Variants in CDK8 observed in about 807,000 individuals in gnomAD.
The protein encoded by CDK8 is cyclin-dependent kinase 8.
CDK8 carries 29 observed loss-of-function variants against 71.5 expected under a neutral mutation model. The ratio of observed to expected loss-of-function variants is 0.41; its 90% confidence interval spans 0.30 to 0.55. The LOEUF (loss-of-function observed/expected upper bound fraction) is 0.55. CDK8 is among the 20% of genes least tolerant of loss of function. The pLI, the probability that CDK8 is intolerant of heterozygous loss-of-function variation, is 0.37. For synonymous variants in CDK8, 161 were observed against 192.1 expected (o/e 0.84, Z 1.34); for missense variants, 288 against 572.6 (o/e 0.50, Z 5.07).
chr13:26,398,663 T>C (rs1425214396), intron 9 of CDK8, among the ~76,000 whole-genome samples: 2 of 152,240 alleles, frequency 1.3e-5, no homozygotes, highest in East Asian at 3.9e-4. Context: ...ATTCTAGCGT[T>C]TTATTTGCAT....
intron 1 of CDK8, among the ~76,000 whole-genome samples, chr13:26,316,334 TGA>T (rs1233008459): frequency 6.6e-6 from 1 of 152,140 alleles, no homozygotes; most frequent in Non-Finnish European, 1.5e-5. Context: ...CACTCCAGTC[TGA>T]GTGACAGAGT....
At chr13:26,330,632 CA>C (rs1448237681) in intron 1 of CDK8, among the ~76,000 whole-genome samples, 94 of 123,136 alleles carry the variant, frequency 7.6e-4, no homozygotes, top group Non-Finnish European at 1.4e-3. Flanking sequence ...CACGTGTTCA[CA>C]TTTTTTTTTT....
At chr13:26,318,047 A>G (rs1424759197) in intron 1 of CDK8, among the ~76,000 whole-genome samples, 1 of 149,810 alleles carries the variant, frequency 6.7e-6, no homozygotes, top group Non-Finnish European at 1.5e-5. Context: ...GTGGACTAAG[A>G]AAAAAAAAAG....
intron 1 of CDK8, among the ~76,000 whole-genome samples, chr13:26,317,689 C>A (rs1026080983): frequency 6.6e-6 from 1 of 152,124 alleles, no homozygotes; most frequent in Non-Finnish European, 1.5e-5. Flanking sequence ...ACTCTTTAAA[C>A]TTCTATTGGT....
chr13:26,315,319 A>C (rs1317322557), intron 1 of CDK8, among the ~76,000 whole-genome samples: 1 of 152,216 alleles, frequency 6.6e-6, no homozygotes, highest in African/African-American at 2.4e-5. Flanking sequence ...TGTTCATAGA[A>C]TATATAACAA....
intron 4 of CDK8, chr13:26,359,674 T>G (rs1874049316): frequency 2.5e-6 from 1 of 398,498 alleles, no homozygotes; most frequent in Non-Finnish European, 5.0e-6. Context: ...TGAGAGCATC[T>G]AGACAACTTC....
At chr13:26,372,500 C>G (rs1208937448) in intron 4 of CDK8, among the ~76,000 whole-genome samples, 1 of 152,164 alleles carries the variant, frequency 6.6e-6, no homozygotes, top group African/African-American at 2.4e-5. Context: ...TATACACTTA[C>G]ATAGTTTGTG....
At chr13:26,322,099 T>C (rs888427880) in intron 1 of CDK8, among the ~76,000 whole-genome samples, 1 of 152,250 alleles carries the variant, frequency 6.6e-6, no homozygotes, top group South Asian at 2.1e-4. Flanking sequence ...AATATTTGCT[T>C]ACAGAGAAAT....
chr13:26,258,129 T>C (rs1166494426), intron 1 of CDK8, among the ~76,000 whole-genome samples: 1 of 152,162 alleles, frequency 6.6e-6, no homozygotes, highest in African/African-American at 2.4e-5. Flanking sequence ...GTTTTCCAGT[T>C]GAGGAAACTG....
chr13:26,357,022 C>T (rs916309659), intron 4 of CDK8, among the ~76,000 whole-genome samples: 2 of 152,198 alleles, frequency 1.3e-5, no homozygotes, highest in African/African-American at 2.4e-5. Context: ...TAATAATACT[C>T]TGGAATGTTA....
At chr13:26,264,929 T>C (rs999490267) in intron 1 of CDK8, among the ~76,000 whole-genome samples, 3 of 152,244 alleles carry the variant, frequency 2.0e-5, no homozygotes, top group Non-Finnish European at 2.9e-5. Context: ...TGTGGCTGAA[T>C]AGTATTCCAT....
At position 26,404,724 on chromosome 13, in the gene CDK8, T is replaced by C. The variant is rs914954015; in HGVS notation, c.*643T>C. 8.9e-6 allele frequency: 2 copies of C among 225,636 alleles called. No homozygotes were observed. The highest frequency in any genetic ancestry group is 1.3e-4 in the East Asian group (2 of 15,448). 14.0% of individuals were successfully genotyped at this position (225,636 alleles called of 1,614,324 possible). ...CAAAGATTAACTTCCAACTTATAAG[T>C]TTGTTTTTATTTTCAATCTATGACT... On this transcript the variant is annotated 3_prime_UTR_variant, in exon 13 of 13. Coordinates refer to ENST00000381527, the MANE Select transcript of CDK8 (RefSeq NM_001260.3).
At chr13:26,288,454 A>AGCCTTGTAATAATTCT (rs1189051388) in intron 1 of CDK8, among the ~76,000 whole-genome samples, 1 of 152,042 alleles carries the variant, frequency 6.6e-6, no homozygotes, top group Non-Finnish European at 1.5e-5. Context: ...TAATTACTAT[A>AGCCTTGTAATAATTCT]GCCTTGTAAT....
intron 1 of CDK8, among the ~76,000 whole-genome samples, chr13:26,336,787 C>G (rs987457741): frequency 6.6e-6 from 1 of 152,082 alleles, no homozygotes; most frequent in Non-Finnish European, 1.5e-5. Flanking sequence ...ATCTCCTGAC[C>G]TCGTGATCTG....
chr13:26,399,647 G>A (rs1194877600), intron 9 of CDK8, among the ~76,000 whole-genome samples: 1 of 152,154 alleles, frequency 6.6e-6, no homozygotes, highest in Non-Finnish European at 1.5e-5. Context: ...AACAATAAGA[G>A]CAAGCACTTA....
intron 4 of CDK8, chr13:26,358,858 C>T (rs904292982): frequency 6.0e-6 from 1 of 166,906 alleles, no homozygotes; most frequent in African/African-American, 2.4e-5. Context: ...AGTGAAACCT[C>T]ATATCCACAA....
Position 26,349,093 on chromosome 13 carries a change from C to G in CDK8, c.226C>G (p.Pro76Ala), listed in dbSNP as rs748157192. Residue 76 changes from proline to alanine, a missense_variant, in exon 3 of 13, where the codon CCA (proline) becomes GCA (alanine). By Grantham distance (27) the Pro-to-Ala change is conservative. Transcript: ENST00000381527. ...EIALLRELKH[P>A]NVISLQKVFL... Reference sequence around the variant, plus strand: ...GCAGTTACTTCGAGAGCTTAAGCATCCAAACGTCATTTCTCTTCAAAAGGT... The same window carrying G: ...GCAGTTACTTCGAGAGCTTAAGCATGCAAACGTCATTTCTCTTCAAAAGGT... 6.2e-7 allele frequency: 1 copy of G among 1,611,216 alleles called. No individual in the cohort carries two copies. The highest frequency in any genetic ancestry group is 1.1e-5 in the South Asian group (1 of 90,892).
At chr13:26,388,879 T>C (rs1875606107) in intron 6 of CDK8, among the ~76,000 whole-genome samples, 1 of 152,164 alleles carries the variant, frequency 6.6e-6, no homozygotes, top group African/African-American at 2.4e-5. Context: ...ACATAAGCAT[T>C]TATTGGGTAA....
In CDK8 at chr13:26,396,128, TC is replaced by T. The variant is rs1217976183; in HGVS notation, c.791-156del. On this transcript the variant is annotated intron_variant, in intron 7 of 12. Coordinates refer to ENST00000381527, the MANE Select transcript of CDK8 (RefSeq NM_001260.3). ...AGGGATAAGGAATTATGTTTACACT[TC>T]AAGATATTTACTGTTGCTGAACATT... 163 of 374,778 alleles carry T rather than the reference TC, an allele frequency of 4.3e-4. 1 individual carries two copies. Among genetic ancestry groups the T allele is most frequent in the African/African-American group, 3.1e-3 (150 of 47,962 alleles). The allele number at this position is 374,778 out of a possible 1,614,324, so 23.2% of individuals were successfully genotyped here. A position where few individuals can be genotyped will look rare whatever the true frequency, so the allele number is the denominator to read the frequency against.
Sources: allele counts gnomAD v4.1 joint callset (sites outside exome capture counted in the v4.1 genomes callset), GRCh38; gene constraint gnomAD v4.1.1; transcripts MANE v1.5; gene names NCBI Gene and HGNC (gene_info 2026-07-23, HGNC 2026-07-21).